MYT1L: variants seen among roughly 807,000 people sequenced by gnomAD.
MYT1L encodes myelin transcription factor 1 like, also known as myelin transcription factor 1-like protein.
A neutral mutation model predicts 126.7 loss-of-function variants in MYT1L; 12 were observed. The observed-to-expected ratio is 0.09, with a 90% confidence interval of 0.06 to 0.15. The LOEUF is 0.15. MYT1L is among the 10% of genes least tolerant of loss of function. The pLI, the probability that MYT1L is intolerant of heterozygous loss-of-function variation, is 1.00. For missense variants in MYT1L, 979 were observed against 1,585.2 expected (o/e 0.62, Z 6.49); for synonymous variants, 541 against 604.2 (o/e 0.90, Z 1.53).
At chr2:1,820,825 G>A (rs1043189108) in intron 21 of MYT1L, among the ~76,000 whole-genome samples, 3 of 152,140 alleles carry the variant, frequency 2.0e-5, no homozygotes, top group Non-Finnish European at 2.9e-5. Context: ...GGGATTACAG[G>A]TGTGAGCCAC....
At chr2:2,126,222 A>AG (rs1180364615) in intron 3 of MYT1L, among the ~76,000 whole-genome samples, 1 of 152,296 alleles carries the variant, frequency 6.6e-6, no homozygotes, top group East Asian at 1.9e-4. Context: ...CTGCCTTTTT[A>AG]GGGGATTATT....
chr2:2,297,237 C>A (rs181236188), intron 1 of MYT1L, among the ~76,000 whole-genome samples: 1 of 152,234 alleles, frequency 6.6e-6, no homozygotes, highest in African/African-American at 2.4e-5. Context: ...TCGTGACCCT[C>A]GGAGGTTTTG....
intron 3 of MYT1L, among the ~76,000 whole-genome samples, chr2:2,121,077 C>T (rs2080935705): frequency 1.3e-5 from 2 of 152,216 alleles, no homozygotes; most frequent in African/African-American, 4.8e-5. Context: ...GCCCGTGGAT[C>T]GAACTGCCGG....
intron 10 of MYT1L, among the ~76,000 whole-genome samples, chr2:1,919,282 T>C (rs958895556): frequency 2.4e-4 from 37 of 152,220 alleles, no homozygotes; most frequent in Non-Finnish European, 7.3e-5. Flanking sequence ...GGGGTCATGC[T>C]ATTTGCCTTC....
intron 2 of MYT1L, among the ~76,000 whole-genome samples, chr2:2,199,689 A>G (rs2148814957): frequency 6.6e-6 from 1 of 152,212 alleles, no homozygotes; most frequent in African/African-American, 2.4e-5. Flanking sequence ...GCTCCTCCTC[A>G]CCTTGGGTCT....
intron 3 of MYT1L, among the ~76,000 whole-genome samples, chr2:2,055,040 A>G (rs1308256374): frequency 6.6e-6 from 1 of 152,216 alleles, no homozygotes. Flanking sequence ...ACACCCAATT[A>G]ATTTCCAATA....
intron 4 of MYT1L, among the ~76,000 whole-genome samples, chr2:2,041,534 A>G (rs2067536097): frequency 6.6e-6 from 1 of 152,192 alleles, no homozygotes; most frequent in Non-Finnish European, 1.5e-5. Context: ...CTCTTATCAA[A>G]TGACCAAACA....
intron 5 of MYT1L, among the ~76,000 whole-genome samples, chr2:1,987,190 A>G (rs1475406680): frequency 6.6e-6 from 1 of 152,192 alleles, no homozygotes; most frequent in African/African-American, 2.4e-5. Flanking sequence ...GTACCCGAAC[A>G]GTCTCATGGC....
intron 3 of MYT1L, among the ~76,000 whole-genome samples, chr2:2,141,159 T>G (rs2148168248): frequency 6.6e-6 from 1 of 152,308 alleles, no homozygotes; most frequent in East Asian, 1.9e-4. Context: ...TTGTTTTTAT[T>G]AAATTGATAT....
intron 1 of MYT1L, among the ~76,000 whole-genome samples, chr2:2,298,372 A>G (rs1280395848): frequency 6.6e-6 from 1 of 152,220 alleles, no homozygotes; most frequent in East Asian, 1.9e-4. Context: ...GATGAAGCTT[A>G]AAGTCTGAAC....
rs138814262 is a variant in MYT1L at position 2,195,246 on chromosome 2, C to T, written c.-420-22258G>A. On this transcript the variant is annotated intron_variant, in intron 2 of 24. Transcript: ENST00000647738. Reference sequence around the variant, plus strand: ...GAAGGTTTGTCAAAATTGCATCATGCGGGGCATAAGCTTAAGATTCATGGC... The same window carrying T: ...GAAGGTTTGTCAAAATTGCATCATGTGGGGCATAAGCTTAAGATTCATGGC... 5.3e-4 allele frequency among the ~76,000 whole-genome samples: 80 copies of T among 152,304 alleles called. 3 individuals carry two copies. In the East Asian group the frequency reaches 0.01, roughly 20 times the overall value.
chr2:2,303,293 G>A (rs916455708), intron 1 of MYT1L, among the ~76,000 whole-genome samples: 2 of 152,144 alleles, frequency 1.3e-5, no homozygotes, highest in African/African-American at 2.4e-5. Flanking sequence ...TTGGCGGGCC[G>A]AGCCCTGTAA....
chr2:1,963,040 C>G (rs528930263), intron 8 of MYT1L, among the ~76,000 whole-genome samples: 15 of 152,330 alleles, frequency 9.8e-5, no homozygotes, highest in Admixed American at 2.6e-4. Context: ...GAATCACTCT[C>G]TATGGCAGAT....
intron 3 of MYT1L, among the ~76,000 whole-genome samples, chr2:2,068,766 C>CTTCTTTTT (rs1370285207): frequency 1.7e-4 from 1 of 5,878 alleles, no homozygotes; most frequent in Non-Finnish European, 3.6e-4. Flanking sequence ...CTGTGTTCTT[C>CTTCTTTTT]TTGTTTTTTT....
At chr2:1,854,232 A>G (rs1387560278) in intron 18 of MYT1L, among the ~76,000 whole-genome samples, 1 of 152,092 alleles carries the variant, frequency 6.6e-6, no homozygotes, top group African/African-American at 2.4e-5. Context: ...TATAAATACA[A>G]CTCACAACTG....
At chr2:2,235,195 G>C (rs142561522) in intron 2 of MYT1L, among the ~76,000 whole-genome samples, 1 of 152,058 alleles carries the variant, frequency 6.6e-6, no homozygotes, top group Non-Finnish European at 1.5e-5. Context: ...CTGGTTAGCT[G>C]GTTGGTGTCT....
intron 2 of MYT1L, among the ~76,000 whole-genome samples, chr2:2,227,335 C>T (rs2094036365): frequency 6.6e-6 from 1 of 152,218 alleles, no homozygotes; most frequent in South Asian, 2.1e-4. Context: ...TTCAATGACC[C>T]ACTTGACATC....
chr2:1,843,079 C>G (rs978194428), intron 19 of MYT1L, among the ~76,000 whole-genome samples: 4 of 152,244 alleles, frequency 2.6e-5, no homozygotes, highest in Non-Finnish European at 5.9e-5. Flanking sequence ...ACTCGTAGGC[C>G]CCGCCATCCT....
rs565895537 is a variant in MYT1L, at chr2:2,083,888, T to C, written c.-303-29765A>G. 8.0e-5 allele frequency among the ~76,000 whole-genome samples: 12 copies of C among 149,692 alleles called. No individual in the cohort carries two copies. The East Asian group carries it at 2.4e-3, about 30-fold the overall frequency. On this transcript the variant is annotated intron_variant, in intron 3 of 24. Coordinates refer to ENST00000647738, the MANE Select transcript of MYT1L (RefSeq NM_001303052.2). The stretch of plus-strand genomic sequence containing the variant: ...GGAGACCACTCCATCAGTAAGCCCA[T>C]GTGCTGATGACTTTCTATACTCATT...
Sources: allele counts gnomAD v4.1 joint callset (sites outside exome capture counted in the v4.1 genomes callset), GRCh38; gene constraint gnomAD v4.1.1; transcripts MANE v1.5; gene names NCBI Gene and HGNC (gene_info 2026-07-23, HGNC 2026-07-21).